The following NBEA variants were observed in gnomAD, a reference collection of about 807,000 sequenced individuals.
The protein encoded by NBEA is lysosomal-trafficking regulator 2.
NBEA carries 44 observed loss-of-function variants against 343.4 expected under a neutral mutation model. The observed-to-expected ratio is 0.13, with a 90% confidence interval of 0.10 to 0.16. The LOEUF (loss-of-function observed/expected upper bound fraction) is 0.16, where lower values mean the gene tolerates loss of function less well. NBEA is among the 10% of genes least tolerant of loss of function. NBEA has a pLI of 1.00. For synonymous variants in NBEA, 1,175 were observed against 1,238.7 expected (o/e 0.95, Z 1.08); for missense variants, 2,555 against 3,631.3 (o/e 0.70, Z 7.62).
intron 44 of NBEA, among the ~76,000 whole-genome samples, chr13:35,564,819 T>C (rs1278559960): frequency 6.6e-6 from 1 of 152,224 alleles, no homozygotes; most frequent in Non-Finnish European, 1.5e-5. Flanking sequence ...ATCCTCGTCT[T>C]CTAAAGATAA....
chr13:35,426,836 T>C (rs1349946081), intron 38 of NBEA, among the ~76,000 whole-genome samples: 1 of 152,236 alleles, frequency 6.6e-6, no homozygotes, highest in Non-Finnish European at 1.5e-5. Flanking sequence ...TTGGAGGCTT[T>C]GTTCGTTTCT....
chr13:35,647,526 T>C (rs2084294445), intron 51 of NBEA, among the ~76,000 whole-genome samples: 1 of 152,214 alleles, frequency 6.6e-6, no homozygotes, highest in Non-Finnish European at 1.5e-5. Flanking sequence ...CTCTAAACTT[T>C]CAAGAAATCA....
rs187479891 is a variant in NBEA, at chr13:35,249,772, C to T, written c.5776+17153C>T. ...CAAGGTTTCAAGGAAATATTATTTGCGACCTACATTTATAGCAGCAGTATT... is the reference window on the plus strand; with the variant it reads ...CAAGGTTTCAAGGAAATATTATTTGTGACCTACATTTATAGCAGCAGTATT... On this transcript the variant is annotated intron_variant, in intron 34 of 58. Transcript: ENST00000379939. Among the ~76,000 whole-genome samples, 43 of 152,228 alleles carry T rather than the reference C, an allele frequency of 2.8e-4. No homozygotes were observed. In the East Asian group the frequency reaches 7.5e-3, roughly 27 times the overall value.
At chr13:35,516,475 C>T (rs550116940) in intron 41 of NBEA, among the ~76,000 whole-genome samples, 63 of 152,098 alleles carry the variant, frequency 4.1e-4, no homozygotes, top group African/African-American at 1.5e-3. Context: ...ACTAGAATTT[C>T]CATTTTAGTT....
At chr13:35,302,514 C>T (rs2152827280) in intron 35 of NBEA, among the ~76,000 whole-genome samples, 1 of 152,262 alleles carries the variant, frequency 6.6e-6, no homozygotes, top group Middle Eastern at 3.4e-3. Flanking sequence ...TTAGGTGGAA[C>T]CACTTTGGCT....
At chr13:35,204,937 T>G (rs879369302) in intron 31 of NBEA, among the ~76,000 whole-genome samples, 3 of 152,172 alleles carry the variant, frequency 2.0e-5, no homozygotes, top group Non-Finnish European at 4.4e-5. Context: ...TGAAACGTTG[T>G]GTAACAATCT....
chr13:35,192,882 G>A (rs1249099477), intron 30 of NBEA, among the ~76,000 whole-genome samples: 5 of 151,820 alleles, frequency 3.3e-5, no homozygotes, highest in Non-Finnish European at 7.4e-5. Context: ...TTTTTGTATA[G>A]CTGTTAATGT....
At chr13:34,968,344 A>T (rs1284857729) in intron 1 of NBEA, among the ~76,000 whole-genome samples, 1 of 152,054 alleles carries the variant, frequency 6.6e-6, no homozygotes, top group Non-Finnish European at 1.5e-5. Flanking sequence ...TCACTTGCTT[A>T]GTTTTTTTTG....
intron 33 of NBEA, among the ~76,000 whole-genome samples, chr13:35,231,610 T>TA (rs1463013340): frequency 6.6e-6 from 1 of 152,036 alleles, no homozygotes; most frequent in East Asian, 1.9e-4. Flanking sequence ...AAGTGAACAT[T>TA]ATTGACCTCT....
At chr13:35,467,478 AT>A (rs199498910) in intron 40 of NBEA, among the ~76,000 whole-genome samples, 515 of 148,018 alleles carry the variant, frequency 3.5e-3, no homozygotes, top group Middle Eastern at 7.1e-3. Context: ...TCTAAAAAAA[AT>A]AAAAGAGTCC....
At chr13:34,948,520 C>T (rs2059256085) in intron 1 of NBEA, among the ~76,000 whole-genome samples, 1 of 152,250 alleles carries the variant, frequency 6.6e-6, no homozygotes, top group East Asian at 1.9e-4. Flanking sequence ...ATTAAATTAT[C>T]TCCTTTAAAA....
At chr13:35,631,054 G>C (rs1340336187) in intron 49 of NBEA, among the ~76,000 whole-genome samples, 2 of 152,182 alleles carry the variant, frequency 1.3e-5, no homozygotes, top group African/African-American at 2.4e-5. Context: ...AGAATGTGAG[G>C]AATAGTGTCC....
intron 38 of NBEA, among the ~76,000 whole-genome samples, chr13:35,363,091 A>G (rs2040906778): frequency 6.6e-6 from 1 of 151,970 alleles, no homozygotes; most frequent in African/African-American, 2.4e-5. Flanking sequence ...TGCAACCACC[A>G]TACTAAGGCG....
At chr13:34,997,117 G>A (rs566600795) in intron 1 of NBEA, among the ~76,000 whole-genome samples, 3 of 152,118 alleles carry the variant, frequency 2.0e-5, no homozygotes, top group African/African-American at 7.2e-5. Flanking sequence ...AGTTTATACT[G>A]TTATTTCTAT....
chr13:35,247,766 A>G (rs574657197), intron 34 of NBEA, among the ~76,000 whole-genome samples: 70 of 152,112 alleles, frequency 4.6e-4, no homozygotes, highest in Non-Finnish European at 7.5e-4. Context: ...TGTCTATCCA[A>G]GTAGAAGCTG....
rs1566403594 is a variant in NBEA at position 35,171,253 on chromosome 13, A to G, written c.4243-19A>G. On this transcript the variant is annotated intron_variant, in intron 25 of 58. Transcript: ENST00000379939. ...TTTCCAAATTTTAAACAAGACTTAA[A>G]TCTTCTACTTTTTTAAAGACGGAAT... is the stretch of plus-strand genomic sequence containing the variant. 2 of 1,603,470 alleles carry G rather than the reference A, an allele frequency of 1.2e-6. No individual in the cohort carries two copies. The highest frequency in any genetic ancestry group is 1.7e-6 in the Non-Finnish European group (2 of 1,173,522).
chr13:35,518,123 A>T (rs1278746446), intron 41 of NBEA, among the ~76,000 whole-genome samples: 1 of 152,150 alleles, frequency 6.6e-6, no homozygotes, highest in Non-Finnish European at 1.5e-5. Flanking sequence ...TTCCGGATAT[A>T]TGGAGGTGAG....
At chr13:35,644,064 A>T (rs2084100230) in intron 49 of NBEA, among the ~76,000 whole-genome samples, 1 of 152,198 alleles carries the variant, frequency 6.6e-6, no homozygotes, top group South Asian at 2.1e-4. Context: ...GTACATTTTT[A>T]AATCAGAGGG....
chr13:35,045,855 G>C (rs1292600767), intron 4 of NBEA, among the ~76,000 whole-genome samples: 1 of 152,012 alleles, frequency 6.6e-6, no homozygotes, highest in African/African-American at 2.4e-5. Flanking sequence ...AGCCTCCCAA[G>C]TAGCTGGTAT....
Sources: gnomAD v4.1 joint callset for allele counts (sites outside exome capture counted in the v4.1 genomes callset) on GRCh38, gnomAD v4.1.1 for gene constraint, MANE v1.5 for transcripts, NCBI Gene and HGNC (gene_info 2026-07-23, HGNC 2026-07-21) for gene names.